Variants in FECH observed in about 807,000 individuals in gnomAD.
The protein encoded by FECH is ferrochelatase, mitochondrial.
Under a neutral mutation model 56.9 loss-of-function variants are expected in FECH, and 40 were observed. The observed-to-expected ratio is 0.70, with a 90% CI of 0.55 to 0.92. The LOEUF (loss-of-function observed/expected upper bound fraction) is 0.92. Among genes scored for constraint, FECH ranks in the 40% least tolerant of loss-of-function variants. The pLI, the probability that FECH is intolerant of heterozygous loss-of-function variation, is 0.00. For missense variants in FECH, 431 were observed against 529.1 expected (o/e 0.81, Z 1.82); for synonymous variants, 175 against 198.6 (o/e 0.88, Z 1.00).
intron 1 of FECH, among the ~76,000 whole-genome samples, chr18:57,583,733 G>A (rs1392951650): frequency 6.6e-6 from 1 of 152,162 alleles, no homozygotes; most frequent in African/African-American, 2.4e-5. Context: ...GGCCGAGGCG[G>A]GAGAACTGCT....
At chr18:57,579,984 C>T in intron 2 of FECH, 89 bp downstream of exon 2, 2 of 1,580,242 alleles carry the variant, frequency 1.3e-6, no homozygotes, top group Non-Finnish European at 1.7e-6. Context: ...TGGCTTTTCC[C>T]AGCACCTTTC....
chr18:57,586,050 C>G (rs888418454), intron 1 of FECH: 7 of 155,656 alleles, frequency 4.5e-5, no homozygotes, highest in Non-Finnish European at 1.0e-4. Context: ...CTAGAAAACG[C>G]TAGCCCAGGC....
At chr18:57,561,637 C>T (rs974890124) in intron 6 of FECH, among the ~76,000 whole-genome samples, 2 of 152,172 alleles carry the variant, frequency 1.3e-5, no homozygotes, top group African/African-American at 4.8e-5. Context: ...GTTAAGAGAC[C>T]TTTCCATCGT....
At chr18:57,579,130 C>T (rs1325222218) in intron 2 of FECH, among the ~76,000 whole-genome samples, 1 of 151,562 alleles carries the variant, frequency 6.6e-6, no homozygotes, top group Non-Finnish European at 1.5e-5. Context: ...TGCCTGTAAT[C>T]CCAGCTACTC....
intron 2 of FECH, among the ~76,000 whole-genome samples, chr18:57,577,807 C>A (rs2051204493): frequency 6.6e-6 from 1 of 152,116 alleles, no homozygotes; most frequent in African/African-American, 2.4e-5. Flanking sequence ...GTAATCCCAG[C>A]ACTCTGGGAG....
At chr18:57,570,589 A>T (rs2051090743) in intron 4 of FECH, among the ~76,000 whole-genome samples, 2 of 152,164 alleles carry the variant, frequency 1.3e-5, no homozygotes, top group Non-Finnish European at 2.9e-5. Context: ...AAGCTCTAAG[A>T]TATATTTGCA....
At chr18:57,565,699 C>T (rs1039006237) in intron 5 of FECH, among the ~76,000 whole-genome samples, 1 of 152,106 alleles carries the variant, frequency 6.6e-6, no homozygotes, top group African/African-American at 2.4e-5. Context: ...TTCCAATAGC[C>T]TTTTGATTCT....
In FECH at chr18:57,551,926, C is replaced by T. The variant is rs539995489; in HGVS notation, c.1078-552G>A. Reference sequence around the variant, plus strand: ...TGAGATGGAGTCTTGCTCTGTCACCCAGGCTGGAGTGCAGTGGCGCAATCT... The same window carrying T: ...TGAGATGGAGTCTTGCTCTGTCACCTAGGCTGGAGTGCAGTGGCGCAATCT... On this transcript the variant is annotated intron_variant, in intron 9 of 10. Coordinates refer to ENST00000262093, the MANE Select transcript of FECH (RefSeq NM_000140.5). 1.3e-4 allele frequency among the ~76,000 whole-genome samples: 20 copies of T among 151,262 alleles called. No individual in the cohort carries two copies. The South Asian group carries it at 4.0e-3, about 30-fold the overall frequency.
chr18:57,550,779 C>T lies in FECH; in HGVS notation c.1205G>A (p.Ser402Asn). The T allele has an allele frequency of 3.7e-6, 6 of 1,614,158 alleles. No individual in the cohort carries two copies. Among genetic ancestry groups the T allele is most frequent in the Non-Finnish European group, 5.1e-6 (6 of 1,180,018 alleles). ...NELCSKQLTL[S>N]CPLCVNPVCR... ...GACAGGATTGACACAGAGCGGACAG[C>T]TCAGGGTCAGCTGCTTGGAACACAG... The change falls in exon 11 of 11, where the codon AGC becomes AAC. Residue 402 changes from serine (S) to asparagine (N), a missense_variant. Coordinates refer to ENST00000262093, the MANE Select transcript of FECH (RefSeq NM_000140.5).
intron 6 of FECH, among the ~76,000 whole-genome samples, chr18:57,559,668 A>G (rs1254108500): frequency 1.3e-5 from 2 of 152,234 alleles, no homozygotes; most frequent in Admixed American, 6.5e-5. Flanking sequence ...GGCATACCAC[A>G]TTAAATACAT....
intron 1 of FECH, among the ~76,000 whole-genome samples, chr18:57,584,325 C>CAA (rs11383428): frequency 0.44 from 43,767 of 99,426 alleles, 11,172 homozygotes; most frequent in East Asian, 0.64. Context: ...GACTCGGTCT[C>CAA]AAAAAAAAAA....
intron 7 of FECH, among the ~76,000 whole-genome samples, chr18:57,558,519 C>A (rs771029000): frequency 6.6e-6 from 1 of 152,224 alleles, no homozygotes; most frequent in Non-Finnish European, 1.5e-5. Flanking sequence ...CCACTCAACA[C>A]ACAGAAACAT....
intron 6 of FECH, 145 bp from the exon 7 acceptor site, chr18:57,559,388 A>G (rs1397121231): frequency 1.6e-6 from 1 of 639,750 alleles, no homozygotes; most frequent in Non-Finnish European, 2.8e-6. Flanking sequence ...AAAATTGCAA[A>G]CAGTCCAGCC....
Position 57,558,069 on chromosome 18 carries a change from C to G in FECH, c.804+1076G>C, listed in dbSNP as rs539520868. The stretch of plus-strand genomic sequence containing the variant: ...GCAGAGGCTTGGCCCTAGTAGCCAC[C>G]AGGGGGCGGTAAGGCCCAGTTACAA... On this transcript the variant is annotated intron_variant, in intron 7 of 10. Transcript: ENST00000262093. 1.2e-4 allele frequency among the ~76,000 whole-genome samples: 18 copies of G among 152,346 alleles called. No individual in the cohort carries two copies. The South Asian group carries it at 3.5e-3, about 30-fold the overall frequency.
At chr18:57,557,492 C>G (rs1358942937) in intron 7 of FECH, among the ~76,000 whole-genome samples, 1 of 152,128 alleles carries the variant, frequency 6.6e-6, no homozygotes, top group African/African-American at 2.4e-5. Flanking sequence ...CAAGGCAGCA[C>G]CGGAATCCCC....
intron 4 of FECH, among the ~76,000 whole-genome samples, chr18:57,570,048 TG>T (rs1264094763): frequency 1.8e-5 from 2 of 109,110 alleles, no homozygotes; most frequent in African/African-American, 3.0e-5. Context: ...TGTGTGTGTG[TG>T]TGTGTGTGTG....
chr18:57,583,727 G>A (rs1402994860), intron 1 of FECH, among the ~76,000 whole-genome samples: 6 of 152,190 alleles, frequency 3.9e-5, no homozygotes, highest in African/African-American at 7.2e-5. Flanking sequence ...TTGGGAGGCC[G>A]AGGCGGGAGA....
chr18:57,583,202 G>T (rs955590051), intron 1 of FECH, among the ~76,000 whole-genome samples: 1 of 152,096 alleles, frequency 6.6e-6, no homozygotes, highest in Non-Finnish European at 1.5e-5. Context: ...AATGAAAAGC[G>T]TCTCCTACCA....
intron 7 of FECH, among the ~76,000 whole-genome samples, chr18:57,555,641 C>T (rs1043669314): frequency 6.6e-6 from 1 of 152,190 alleles, no homozygotes. Context: ...CCTCACCTGG[C>T]TTTATTTTCT....
Sources: gnomAD v4.1 joint callset for allele counts (sites outside exome capture counted in the v4.1 genomes callset) on GRCh38, gnomAD v4.1.1 for gene constraint, MANE v1.5 for transcripts, NCBI Gene and HGNC (gene_info 2026-07-23, HGNC 2026-07-21) for gene names.